The following TDRD12 variants were observed in gnomAD, a reference collection of about 807,000 sequenced individuals.
TDRD12 encodes the protein putative ATP-dependent RNA helicase TDRD12.
In TDRD12, 158 loss-of-function variants were observed where a neutral mutation model predicts 133.5. That is an observed-to-expected ratio of 1.18 (90% CI 1.04 to 1.35). The LOEUF is 1.35. TDRD12 is among the 40% of genes most tolerant of loss of function. The probability of loss-of-function intolerance (pLI) is 0.00; values close to 1 mark genes in which losing one functional copy is unlikely to be tolerated. For missense variants in TDRD12, 1,443 were observed against 1,321.3 expected (o/e 1.09, Z -1.43); for synonymous variants, 460 against 477.9 (o/e 0.96, Z 0.49).
chr19:32,723,434 A>G (rs186305969), intron 1 of TDRD12, among the ~76,000 whole-genome samples: 2 of 151,948 alleles, frequency 1.3e-5, no homozygotes, highest in African/African-American at 4.8e-5. Context: ...TATTTTTAGT[A>G]GAGACAGGGT....
intron 4 of TDRD12, among the ~76,000 whole-genome samples, chr19:32,746,102 GAC>G (rs1969612834): frequency 6.6e-6 from 1 of 150,766 alleles, no homozygotes; most frequent in Non-Finnish European, 1.5e-5. Context: ...GGGGGAGAGA[GAC>G]TGGCTGATGT....
At chr19:32,742,230 C>T (rs1969450381) in intron 3 of TDRD12, among the ~76,000 whole-genome samples, 1 of 151,368 alleles carries the variant, frequency 6.6e-6, no homozygotes, top group Admixed American at 6.6e-5. Context: ...AATTTCAGCT[C>T]ACTGCAACCT....
At chr19:32,727,701 C>G (rs958141493) in intron 1 of TDRD12, among the ~76,000 whole-genome samples, 3 of 152,108 alleles carry the variant, frequency 2.0e-5, no homozygotes, top group African/African-American at 7.2e-5. Flanking sequence ...CAGAGTCTCA[C>G]TCTGTTACCC....
exon 18 of TDRD12, chr19:32,800,650 C>T (rs1971360436): frequency 1.6e-5 from 25 of 1,534,586 alleles, no homozygotes; most frequent in Non-Finnish European, 2.1e-5. Flanking sequence ...CCAGGTAGTA[C>T]ATCTTTGCCT....
intron 10 of TDRD12, 73 bp downstream of exon 10, chr19:32,773,605 G>A: frequency 7.3e-7 from 1 of 1,379,300 alleles, no homozygotes; most frequent in Non-Finnish European, 1.0e-6. Context: ...GGCTGAGCTG[G>A]GGGGATCGCT....
chr19:32,826,179 G>A, downstream of TDRD12: 1 of 1,534,146 alleles, frequency 6.5e-7, no homozygotes, highest in Non-Finnish European at 8.7e-7. Flanking sequence ...CACTCGGCAT[G>A]GAGGAGTCGG....
chr19:32,784,888 G>A (rs565658195), intron 11 of TDRD12, among the ~76,000 whole-genome samples: 12 of 151,764 alleles, frequency 7.9e-5, no homozygotes, highest in Non-Finnish European at 1.5e-4. Context: ...TTCTTTATTA[G>A]TCTTGCTAGT....
At chr19:32,809,709 C>T (rs1966935715) in intron 22 of TDRD12, among the ~76,000 whole-genome samples, 1 of 152,150 alleles carries the variant, frequency 6.6e-6, no homozygotes, top group Admixed American at 6.5e-5. Context: ...TATACAGTAG[C>T]TCTTAATAAA....
At chr19:32,817,985 G>A (rs1967240013) in intron 26 of TDRD12, 104 bp from the exon 27 acceptor site, 5 of 638,392 alleles carry the variant, frequency 7.8e-6, no homozygotes, top group Admixed American at 2.5e-5. Flanking sequence ...AAAAAAAAAA[G>A]TGTTTTTACC....
At position 32,751,568 on chromosome 19, in the gene TDRD12, C is replaced by T. The variant is rs573831805; in HGVS notation, c.582+1699C>T. On this transcript the variant is annotated intron_variant, in intron 6 of 27. Coordinates refer to ENST00000444215, the Ensembl canonical transcript of TDRD12. ...CTCCTCTCCTCTCCCTTCCCTTCCC[C>T]TCTCCTTCCTTCCCCTCCCTCCCTT... is the stretch of plus-strand genomic sequence containing the variant. Among the ~76,000 whole-genome samples, 10 of 151,676 alleles carry T rather than the reference C, an allele frequency of 6.6e-5. No individual in the cohort carries two copies. In the South Asian group the frequency reaches 1.9e-3, roughly 29 times the overall value.
At chr19:32,757,781 A>G (rs1274917867) in intron 8 of TDRD12, among the ~76,000 whole-genome samples, 2 of 152,246 alleles carry the variant, frequency 1.3e-5, no homozygotes, top group Non-Finnish European at 2.9e-5. Flanking sequence ...TGTGGTTTCC[A>G]AGAACCTACT....
chr19:32,802,599 T>C, intron 19 of TDRD12, 57 bp from the exon 20 acceptor site: 1 of 1,511,182 alleles, frequency 6.6e-7, no homozygotes, highest in African/African-American at 1.4e-5. Context: ...GAACTGCCGG[T>C]TAAAGTAAGT....
At chr19:32,772,798 A>G in exon 9 of TDRD12, 1 of 1,517,120 alleles carries the variant, frequency 6.6e-7, no homozygotes. Flanking sequence ...GATTCACCTA[A>G]AGACAAATCT....
intron 14 of TDRD12, among the ~76,000 whole-genome samples, chr19:32,797,085 A>G (rs112423426): frequency 0.017 from 2,547 of 151,712 alleles, 77 homozygotes; most frequent in African/African-American, 0.057. Flanking sequence ...GGTTCAAGCA[A>G]TTCTCCTGTC....
intron 4 of TDRD12, among the ~76,000 whole-genome samples, chr19:32,744,827 G>C (rs1176251091): frequency 6.6e-6 from 1 of 152,120 alleles, no homozygotes; most frequent in Non-Finnish European, 1.5e-5. Flanking sequence ...ATTATGGAAG[G>C]AAAAGCCACA....
At chr19:32,757,419 A>G (rs1270476954) in intron 8 of TDRD12, among the ~76,000 whole-genome samples, 5 of 152,182 alleles carry the variant, frequency 3.3e-5, no homozygotes, top group African/African-American at 4.8e-5. Flanking sequence ...TAGAGTGTAC[A>G]TATGTATTTA....
Position 32,790,741 on chromosome 19 carries a change from C to G in TDRD12, c.1182+150C>G, listed in dbSNP as rs374571113. On this transcript the variant is annotated intron_variant, in intron 12 of 27. Transcript: ENST00000444215. ...CTGAAGACATCCTTTTAGAAACGATCGAATGGATTGTTGCTTCTGAGAAAT... is the reference window on the plus strand; with the variant it reads ...CTGAAGACATCCTTTTAGAAACGATGGAATGGATTGTTGCTTCTGAGAAAT... 3.9e-6 allele frequency: 6 copies of G among 1,532,772 alleles called. No homozygotes were observed. In the East Asian group the frequency reaches 1.5e-4, roughly 38 times the overall value. The allele number at this position is 1,532,772 out of a possible 1,614,324, so 94.9% of individuals were successfully genotyped here.
chr19:32,761,863 T>C (rs1970160104), intron 8 of TDRD12, among the ~76,000 whole-genome samples: 1 of 151,982 alleles, frequency 6.6e-6, no homozygotes, highest in Non-Finnish European at 1.5e-5. Flanking sequence ...TTTTTGTATT[T>C]TTAGTAGAGA....
chr19:32,810,026 G>T, intron 22 of TDRD12, 67 bp from the exon 23 acceptor site: 1 of 983,376 alleles, frequency 1.0e-6, no homozygotes, highest in South Asian at 2.4e-5. Context: ...TGCAGATACA[G>T]GGAATGTGTA....
Sources: allele counts gnomAD v4.1 joint callset (sites outside exome capture counted in the v4.1 genomes callset), GRCh38; gene constraint gnomAD v4.1.1; transcripts MANE v1.5; gene names NCBI Gene and HGNC (gene_info 2026-07-23, HGNC 2026-07-21).